The following PKHD1L1 variants were observed in gnomAD, a reference collection of about 807,000 sequenced individuals.
PKHD1L1 encodes the protein fibrocystin-L.
In PKHD1L1, 434 loss-of-function variants were observed where a neutral mutation model predicts 462.9. That is an observed-to-expected ratio of 0.94 (90% CI 0.87 to 1.02). The LOEUF is 1.02. Ranked by LOEUF, PKHD1L1 falls within the 50% of genes least tolerant of loss-of-function variation. The probability of loss-of-function intolerance (pLI) is 0.00; values close to 1 mark genes in which losing one functional copy is unlikely to be tolerated. For missense variants in PKHD1L1, 5,202 were observed against 5,096.1 expected (o/e 1.02, Z -0.63); for synonymous variants, 1,781 against 1,750.0 (o/e 1.02, Z -0.44).
intron 31 of PKHD1L1, among the ~76,000 whole-genome samples, chr8:109,438,664 T>A (rs1236914000): frequency 6.6e-6 from 1 of 152,078 alleles, no homozygotes; most frequent in Non-Finnish European, 1.5e-5. Context: ...GTAAGTTTTT[T>A]TTTTTAAAAA....
Position 109,364,566 on chromosome 8 carries a change from C to T in PKHD1L1, c.93C>T (p.Pro31=). The change falls in exon 2 of 78, where the codon CCC becomes CCT. Residue 31 remains proline (P), a synonymous_variant. Transcript: ENST00000378402. ...TTTCAGATGGCTCTCAAATAATCCCCAAAGTCACAGAAATAATACCTAAAT... is the reference window on the plus strand; with the variant it reads ...TTTCAGATGGCTCTCAAATAATCCCTAAAGTCACAGAAATAATACCTAAAT... ...DPSTDGSQII[P]KVTEIIPKYG... The T allele has an allele frequency of 1.3e-6, 2 of 1,599,176 alleles. No homozygotes were observed. The highest frequency in any genetic ancestry group is 1.7e-4 in the Middle Eastern group (1 of 5,984).
At chr8:109,364,858 A>G (rs942984724) in intron 2 of PKHD1L1, among the ~76,000 whole-genome samples, 8 of 152,174 alleles carry the variant, frequency 5.3e-5, no homozygotes, top group Non-Finnish European at 8.8e-5. Flanking sequence ...CTTGCTTAAC[A>G]TCAAGATCTG....
Position 109,405,135 on chromosome 8 carries a change from G to A in PKHD1L1, c.1669+5G>A, listed in dbSNP as rs374645653. On this transcript the variant is annotated splice_donor_5th_base_variant and intron_variant, in intron 16 of 77. Coordinates refer to ENST00000378402, the MANE Select transcript of PKHD1L1 (RefSeq NM_177531.6). ...TCTATAATATGGAAAAAACTGGTAA[G>A]TTATAAATAATAAGGGAGATACTGT... 5.6e-6 allele frequency: 8 copies of A among 1,418,928 alleles called. No homozygotes were observed. Among genetic ancestry groups the A allele is most frequent in the Non-Finnish European group, 6.8e-6 (7 of 1,035,932 alleles). 87.9% of individuals were successfully genotyped at this position (1,418,928 alleles called of 1,614,324 possible).
At chr8:109,499,272 A>G (rs1188792836) in intron 67 of PKHD1L1, 5 of 153,170 alleles carry the variant, frequency 3.3e-5, no homozygotes, top group Non-Finnish European at 7.3e-5. Context: ...TAGTAAACAC[A>G]TCAATTATTT....
intron 30 of PKHD1L1, 102 bp downstream of exon 30, chr8:109,436,561 C>T: frequency 6.6e-7 from 1 of 1,511,550 alleles, no homozygotes; most frequent in South Asian, 1.3e-5. Flanking sequence ...GGTGTATTTA[C>T]TTAGGAACTG....
At chr8:109,485,536 G>A (rs192491802) in intron 58 of PKHD1L1, among the ~76,000 whole-genome samples, 2 of 152,102 alleles carry the variant, frequency 1.3e-5, no homozygotes, top group East Asian at 3.9e-4. Flanking sequence ...GTCTTTAGCG[G>A]TAAATGCATT....
At position 109,493,751 on chromosome 8, in the gene PKHD1L1, G is replaced by C; in HGVS notation, c.10327G>C (p.Gly3443Arg). 16 of 1,587,822 alleles carry C rather than the reference G, an allele frequency of 1.0e-5. No individual in the cohort carries two copies. Among genetic ancestry groups the C allele is most frequent in the Non-Finnish European group, 1.4e-5 (16 of 1,167,626 alleles). ...CCGCATTGATGGTGAACCTTGCCCA[G>C]GTAAGTCTTTTAAACCAGGAATCGC... is the stretch of plus-strand genomic sequence containing the variant. ...GYRIDGEPCP[G>R]QFNPVEKWFD... Residue 3443 changes from glycine to arginine, a missense_variant and splice_region_variant, in exon 63 of 78, where the codon GGC becomes CGC. By Grantham distance (125) the Gly-to-Arg change is moderately radical. Coordinates refer to ENST00000378402, the MANE Select transcript of PKHD1L1 (RefSeq NM_177531.6).
chr8:109,501,117 T>C (rs1819388830), intron 67 of PKHD1L1, among the ~76,000 whole-genome samples: 1 of 149,118 alleles, frequency 6.7e-6, no homozygotes. Flanking sequence ...TCTATATTTT[T>C]GATATTTACC....
intron 43 of PKHD1L1, 66 bp downstream of exon 43, chr8:109,452,940 CA>C: frequency 8.3e-7 from 1 of 1,207,260 alleles, no homozygotes; most frequent in African/African-American, 1.6e-5. Context: ...CTGATTTAAT[CA>C]AAATCCACAA....
chr8:109,465,061 T>G lies in PKHD1L1; in HGVS notation c.8229T>G (p.Phe2743Leu), dbSNP rs759881857. ...GCTTGACTGTCTCTTCTGTGCACTTTATGAACTTTGACCGTCCCAACTGTG... is the reference window on the plus strand; with the variant it reads ...GCTTGACTGTCTCTTCTGTGCACTTGATGAACTTTGACCGTCCCAACTGTG... The part of the protein sequence containing the change: ...SEGLTVSSVH[F>L]MNFDRPNCVA... Residue 2743 changes from phenylalanine to leucine, a missense_variant, in exon 49 of 78, where the codon TTT (phenylalanine) becomes TTG (leucine). By Grantham distance (22) the Phe-to-Leu change is conservative. Coordinates refer to ENST00000378402, the MANE Select transcript of PKHD1L1 (RefSeq NM_177531.6). 6.2e-7 allele frequency: 1 copy of G among 1,613,694 alleles called. No homozygotes were observed. The highest frequency in any genetic ancestry group is 1.3e-5 in the African/African-American group (1 of 74,902).
chr8:109,401,522 A>G lies in PKHD1L1; in HGVS notation c.1307A>G (p.Asn436Ser). 2 of 1,591,520 alleles carry G rather than the reference A, an allele frequency of 1.3e-6. No homozygotes were observed. Among genetic ancestry groups the G allele is most frequent in the South Asian group, 2.2e-5 (2 of 89,916 alleles). Residue 436 changes from asparagine to serine, a missense_variant, in exon 14 of 78, where the codon AAT (asparagine) becomes AGT (serine). By Grantham distance (46) the Asn-to-Ser change is conservative. Around this residue, in one of 3 missense-constraint regions of PKHD1L1, gnomAD observed 4,497 missense variants for 4,336.8 expected, o/e 1.04. Coordinates refer to ENST00000378402, the MANE Select transcript of PKHD1L1 (RefSeq NM_177531.6). ...GTGAGGATTGCATATCATTCTGCTA[A>G]TGCCAACAGTTATTTTTCCAGTCCA... is the stretch of plus-strand genomic sequence containing the variant. ...DKVRIAYHSA[N>S]ANSYFSSPTQ... is the part of the protein sequence containing the mutation.
At chr8:109,373,236 G>A (rs538206981) in intron 2 of PKHD1L1, among the ~76,000 whole-genome samples, 155 of 152,026 alleles carry the variant, frequency 1.0e-3, no homozygotes, top group African/African-American at 3.6e-3. Context: ...GTCTTGGGAG[G>A]GTGTATGTGT....
intron 21 of PKHD1L1, among the ~76,000 whole-genome samples, chr8:109,417,424 C>T (rs1250244257): frequency 6.6e-6 from 1 of 152,100 alleles, no homozygotes; most frequent in African/African-American, 2.4e-5. Flanking sequence ...TGATGGAGTT[C>T]ATGGATTTTC....
rs973712539 is a variant in PKHD1L1, at chr8:109,532,039, G to C, written c.*1949G>C. ...AAATTCCTACATTTGGGTTCTGGAA[G>C]AGATACAAAAATATTCTTCACACCA... is the stretch of plus-strand genomic sequence containing the variant. On this transcript the variant is annotated 3_prime_UTR_variant, in exon 78 of 78. Coordinates refer to ENST00000378402, the MANE Select transcript of PKHD1L1 (RefSeq NM_177531.6). Among the ~76,000 whole-genome samples, 1 of 152,186 alleles carries C rather than the reference G, an allele frequency of 6.6e-6. No homozygotes were observed. The highest frequency in any genetic ancestry group is 2.4e-5 in the African/African-American group (1 of 41,440).
rs371033923 is a variant in PKHD1L1, at chr8:109,526,883, G to A, written c.12584G>A (p.Ser4195Asn). Residue 4195 changes from serine (S) to asparagine (N), a missense_variant, in exon 77 of 78, where the codon AGC becomes AAC. By Grantham distance (46) the Ser-to-Asn change is conservative. This residue lies in a region of PKHD1L1 where 698 missense variants were observed against 736.3 expected (regional missense o/e 0.95). Coordinates refer to ENST00000378402, the MANE Select transcript of PKHD1L1 (RefSeq NM_177531.6). ...LAESVSSSGS[S>N]SSSNSKASTV... ...GAGTCTGTCTCTAGCAGTGGCAGCAGCAGCAGCAGCAACAGCAAAGCATCA... is the reference window on the plus strand; with the variant it reads ...GAGTCTGTCTCTAGCAGTGGCAGCAACAGCAGCAGCAACAGCAAAGCATCA... 16 of 1,609,414 alleles carry A rather than the reference G, an allele frequency of 9.9e-6. No homozygotes were observed. The African/African-American group carries it at 1.9e-4, about 19-fold the overall frequency.
chr8:109,382,553 C>T lies in PKHD1L1; in HGVS notation c.399C>T (p.Ser133=). 6.2e-7 allele frequency: 1 copy of T among 1,611,078 alleles called. No homozygotes were observed. Among genetic ancestry groups the T allele is most frequent in the South Asian group, 1.1e-5 (1 of 90,680 alleles). Residue 133 remains serine, a synonymous_variant, in exon 4 of 78, where the codon AGC becomes AGT. Transcript: ENST00000378402. ...ENNTCKGHIN[S]WECTFNAKSF... ...ACACCTGCAAAGGTCACATCAACAG[C>T]TGGGAATGTACCTTCAACGTATGTA...
Position 109,435,239 on chromosome 8 carries a change from C to T in PKHD1L1, c.3390C>T (p.Pro1130=), listed in dbSNP as rs1263560106. 5.6e-6 allele frequency: 9 copies of T among 1,613,714 alleles called. No individual in the cohort carries two copies. The highest frequency in any genetic ancestry group is 1.3e-5 in the African/African-American group (1 of 74,924). Residue 1130 remains proline (P), a synonymous_variant, in exon 29 of 78, where the codon CCC becomes CCT. Transcript: ENST00000378402. ...TGAATGGAAGTGCTGGACATGCCCC[C>T]GTTGCTGTGTCCATGGCTGATGTTG... is the stretch of plus-strand genomic sequence containing the variant. ...QILNGSAGHA[P]VAVSMADVGL...
intron 38 of PKHD1L1, among the ~76,000 whole-genome samples, chr8:109,446,948 G>C (rs537847688): frequency 6.6e-6 from 1 of 152,282 alleles, no homozygotes; most frequent in East Asian, 1.9e-4. Flanking sequence ...TTCTGTCCAG[G>C]TGCGGTGGCT....
intron 54 of PKHD1L1, 149 bp downstream of exon 54, chr8:109,479,788 C>G (rs1364298488): frequency 1.2e-6 from 1 of 831,642 alleles, no homozygotes; most frequent in African/African-American, 1.7e-5. Context: ...GATACTAAAC[C>G]TAGCCTTCTG....
Sources: allele counts gnomAD v4.1 joint callset (sites outside exome capture counted in the v4.1 genomes callset), GRCh38; gene constraint gnomAD v4.1.1; regional missense constraint gnomAD v4.1.1; transcripts MANE v1.5; gene names NCBI Gene and HGNC (gene_info 2026-07-23, HGNC 2026-07-21).